Variants in SLC2A3 observed in about 807,000 individuals in gnomAD.
SLC2A3 encodes the protein solute carrier family 2, facilitated glucose transporter member 3.
In SLC2A3, 21 loss-of-function variants were observed where a neutral mutation model predicts 46.4. The ratio of observed to expected loss-of-function variants is 0.45; its 90% confidence interval spans 0.32 to 0.65. SLC2A3 has a LOEUF of 0.65. SLC2A3 is among the 30% of genes least tolerant of loss of function. SLC2A3 has a pLI of 0.04. For missense variants in SLC2A3, 499 were observed against 623.3 expected, an observed-to-expected ratio of 0.80 and a Z score of 2.12; for synonymous variants, 213 against 239.4, an observed-to-expected ratio of 0.89 and a Z score of 1.02.
chr12:7,933,336 C>T lies in SLC2A3; in HGVS notation c.109-189G>A. 4 of 763,140 alleles carry T rather than the reference C, an allele frequency of 5.2e-6. No homozygotes were observed. In the East Asian group the frequency reaches 1.1e-4, roughly 21 times the overall value. The allele number at this position is 763,140 out of a possible 1,614,324, so 47.3% of individuals were successfully genotyped here. On this transcript the variant is annotated intron_variant, in intron 2 of 9. Coordinates refer to ENST00000075120, the MANE Select transcript of SLC2A3 (RefSeq NM_006931.3). Reference sequence around the variant, plus strand: ...AGTAATTCTATTTGTCCTGAAAATCCCAGTAGGTGGCAGCACCGATGTTCA... The same window carrying T: ...AGTAATTCTATTTGTCCTGAAAATCTCAGTAGGTGGCAGCACCGATGTTCA...
chr12:7,921,675 G>T (rs753613803), intron 9 of SLC2A3, 44 bp from the exon 10 acceptor site: 3 of 1,576,458 alleles, frequency 1.9e-6, no homozygotes, highest in African/African-American at 2.7e-5. Context: ...TAAAAATCTG[G>T]TCATTGACAA....
Position 7,933,943 on chromosome 12 carries a change from C to T in SLC2A3, c.16-41G>A, listed in dbSNP as rs767020131. The T allele has an allele frequency of 1.1e-5, 17 of 1,564,194 alleles. No homozygotes were observed. In the African/African-American group the frequency reaches 2.3e-4, roughly 21 times the overall value. On this transcript the variant is annotated intron_variant, in intron 1 of 9. Coordinates refer to ENST00000075120, the MANE Select transcript of SLC2A3 (RefSeq NM_006931.3). ...ACAGAGGAGAGAATAGTCCTTAAAA[C>T]TTGTGATTGATGACTGTTTCTTATT...
chr12:7,931,152 A>G (rs1332128395), intron 4 of SLC2A3, 93 bp downstream of exon 4: 2 of 1,553,042 alleles, frequency 1.3e-6, no homozygotes, highest in Admixed American at 3.8e-5. Flanking sequence ...GTAATTGAAC[A>G]TGTGCCAGAT....
At chr12:7,923,977 A>G (rs958722822) in intron 8 of SLC2A3, among the ~76,000 whole-genome samples, 8 of 151,932 alleles carry the variant, frequency 5.3e-5, no homozygotes, top group Non-Finnish European at 1.2e-4. Flanking sequence ...CATGTTGGTC[A>G]GGCTGGTCTT....
Position 7,923,768 on chromosome 12 carries a change from A to ATTTTTTTT in SLC2A3, c.1068+634_1068+641dup, listed in dbSNP as rs59914158. Reference sequence around the variant, plus strand: ...AACCACTGCGCCCAGCCAGGATTGGATTTTTTTTTTTTTTTTTGAGAGAGA... The same window carrying ATTTTTTTT: ...AACCACTGCGCCCAGCCAGGATTGGATTTTTTTTTTTTTTTTTTTTTTTTTGAGAGAGA... On this transcript the variant is annotated intron_variant, in intron 8 of 9. Transcript: ENST00000075120. 4.8e-3 allele frequency among the ~76,000 whole-genome samples: 656 copies of ATTTTTTTT among 135,634 alleles called. 6 individuals are homozygous for ATTTTTTTT. Among genetic ancestry groups the ATTTTTTTT allele is most frequent in the African/African-American group, 0.017 (601 of 36,386 alleles). The allele number at this position is 135,634 out of a possible 152,430, so 89.0% of individuals were successfully genotyped here. A position where few individuals can be genotyped will look rare whatever the true frequency, so the allele number is the denominator to read the frequency against.
chr12:7,932,968 C>T lies in SLC2A3; in HGVS notation c.269+19G>A, dbSNP rs1231688277. On this transcript the variant is annotated intron_variant, in intron 3 of 9. Transcript: ENST00000075120. ...GTGGCTGGTAGAGCCCACTTCCTTG[C>T]CCAGTTTCTAGTCAATACCTGCCAA... is the stretch of plus-strand genomic sequence containing the variant. 2 of 1,613,334 alleles carry T rather than the reference C, an allele frequency of 1.2e-6. No individual in the cohort carries two copies. Among genetic ancestry groups the T allele is most frequent in the East Asian group, 4.5e-5 (2 of 44,878 alleles).
At chr12:7,923,767 G>GTTTTTTT (rs1946064837) in intron 8 of SLC2A3, among the ~76,000 whole-genome samples, 1 of 131,694 alleles carries the variant, frequency 7.6e-6, no homozygotes, top group African/African-American at 2.8e-5. Context: ...GCCAGGATTG[G>GTTTTTTT]ATTTTTTTTT....
chr12:7,931,331 T>C lies in SLC2A3; in HGVS notation c.424A>G (p.Ile142Val). ...GLCTGFVPMY[I>V]GEISPTALRG... ...AGGGCAGTAGGCGAGATCTCTCCAATGTACATGGGCACAAAACCTGTGCAG... is the reference window on the plus strand; with the variant it reads ...AGGGCAGTAGGCGAGATCTCTCCAACGTACATGGGCACAAAACCTGTGCAG... The change falls in exon 4 of 10, where the codon ATT becomes GTT. Residue 142 changes from isoleucine to valine, a missense_variant. By Grantham distance (29) the Ile-to-Val change is conservative. This residue lies in a region of SLC2A3 where 248 missense variants were observed against 284.0 expected (regional missense o/e 0.87). Coordinates refer to ENST00000075120, the MANE Select transcript of SLC2A3 (RefSeq NM_006931.3). 1 of 1,614,092 alleles carries C rather than the reference T, an allele frequency of 6.2e-7. No homozygotes were observed.
At chr12:7,929,065 C>T (rs1254905251) in intron 6 of SLC2A3, among the ~76,000 whole-genome samples, 2 of 152,020 alleles carry the variant, frequency 1.3e-5, no homozygotes, top group South Asian at 2.1e-4. Flanking sequence ...CAAGAACCAA[C>T]TTACTATTTT....
At chr12:7,933,219 A>G (rs1946176849) in intron 2 of SLC2A3, 72 bp from the exon 3 acceptor site, 1 of 1,503,694 alleles carries the variant, frequency 6.7e-7, no homozygotes. Context: ...AACATTAGGG[A>G]TCATTTCCTT....
At chr12:7,927,235 C>A (rs114575011) in intron 6 of SLC2A3, among the ~76,000 whole-genome samples, 8 of 152,112 alleles carry the variant, frequency 5.3e-5, no homozygotes, top group Non-Finnish European at 8.8e-5. Context: ...GGCTAATTAA[C>A]ACTGTTAAGA....
At chr12:7,932,746 C>T in intron 3 of SLC2A3, 1 of 498,104 alleles carries the variant, frequency 2.0e-6, no homozygotes, top group Non-Finnish European at 3.6e-6. Flanking sequence ...CTATCCCTAG[C>T]TGGACTGCAA....
At chr12:7,929,515 A>G (rs1946130323) in intron 6 of SLC2A3, 169 bp downstream of exon 6, 1 of 917,998 alleles carries the variant, frequency 1.1e-6, no homozygotes, top group Admixed American at 3.0e-5. Flanking sequence ...CCCAGGCTGG[A>G]ATGCAGTGGC....
chr12:7,921,530 A>G lies in SLC2A3; in HGVS notation c.1374T>C (p.Phe458=). The G allele has an allele frequency of 6.2e-7, 1 of 1,613,978 alleles. No individual in the cohort carries two copies. Among genetic ancestry groups the G allele is most frequent in the African/African-American group, 1.3e-5 (1 of 75,054 alleles). The part of the protein sequence containing the change: ...FKVPETRGRT[F]EDITRAFEGQ... ...CTTCAAAGGCCCGTGTGATATCCTCAAAAGTCCTGCCACGGGTCTCAGGGA... is the reference window on the plus strand; with the variant it reads ...CTTCAAAGGCCCGTGTGATATCCTCGAAAGTCCTGCCACGGGTCTCAGGGA... The change falls in exon 10 of 10, where the codon TTT becomes TTC. Residue 458 remains phenylalanine, a synonymous_variant. Coordinates refer to ENST00000075120, the MANE Select transcript of SLC2A3 (RefSeq NM_006931.3).
rs767238926 is a variant in SLC2A3, at chr12:7,925,731, A to T, written c.966+113T>A. On this transcript the variant is annotated intron_variant, in intron 7 of 9. Coordinates refer to ENST00000075120, the MANE Select transcript of SLC2A3 (RefSeq NM_006931.3). ...AAATTTATCTCTTTTTCCCAAAGGA[A>T]AATTAAGCAACAAAAAGGTAACTAA... The T allele has an allele frequency of 2.7e-5, 23 of 842,714 alleles. 1 individual carries two copies. Among genetic ancestry groups the T allele is most frequent in the Non-Finnish European group, 4.4e-5 (23 of 517,288 alleles). The allele number at this position is 842,714 out of a possible 1,614,324, so 52.2% of individuals were successfully genotyped here. A position where few individuals can be genotyped will look rare whatever the true frequency, so the allele number is the denominator to read the frequency against.
In SLC2A3 at chr12:7,922,629, T is replaced by A. The variant is rs912490328; in HGVS notation, c.1272+192A>T. The stretch of plus-strand genomic sequence containing the variant: ...GGCATGCACCACCATGCCCAGCTAA[T>A]TTTTGAATTTCACCATGTTGGCCAG... On this transcript the variant is annotated intron_variant, in intron 9 of 9. Coordinates refer to ENST00000075120, the MANE Select transcript of SLC2A3 (RefSeq NM_006931.3). Among the ~76,000 whole-genome samples the A allele has an allele frequency of 2.0e-5, 3 of 151,900 alleles. No homozygotes were observed. In the East Asian group the frequency reaches 5.8e-4, roughly 29 times the overall value.
Position 7,929,791 on chromosome 12 carries a change from C to G in SLC2A3, c.754G>C (p.Glu252Gln). Residue 252 changes from glutamate (E) to glutamine (Q), a missense_variant, in exon 6 of 10, where the codon GAA becomes CAA. By Grantham distance (29) the Glu-to-Gln change is conservative (BLOSUM62 2). Around this residue, in one of 5 missense-constraint regions of SLC2A3, gnomAD observed 65 missense variants for 88.4 expected, o/e 0.74. Coordinates refer to ENST00000075120, the MANE Select transcript of SLC2A3 (RefSeq NM_006931.3). ...AGCTCTAGCACGGTGACTTGCTTTTCTTGTGACATCCTTGCACTCTCATCT... is the reference window on the plus strand; with the variant it reads ...AGCTCTAGCACGGTGACTTGCTTTTGTTGTGACATCCTTGCACTCTCATCT... ...MKDESARMSQ[E>Q]KQVTVLELFR... 1.2e-6 allele frequency: 2 copies of G among 1,613,768 alleles called. No homozygotes were observed. The highest frequency in any genetic ancestry group is 1.7e-6 in the Non-Finnish European group (2 of 1,179,776).
At position 7,932,982 on chromosome 12, in the gene SLC2A3, A is replaced by C; in HGVS notation, c.269+5T>G. ...CCACTTCCTTGCCCAGTTTCTAGTCAATACCTGCCAAAGCGGTTGACGAAG... is the reference window on the plus strand; with the variant it reads ...CCACTTCCTTGCCCAGTTTCTAGTCCATACCTGCCAAAGCGGTTGACGAAG... On this transcript the variant is annotated splice_donor_5th_base_variant and intron_variant, in intron 3 of 9. Transcript: ENST00000075120. 1 of 1,613,944 alleles carries C rather than the reference A, an allele frequency of 6.2e-7. No homozygotes were observed. The highest frequency in any genetic ancestry group is 8.5e-7 in the Non-Finnish European group (1 of 1,179,966).
At chr12:7,930,825 C>T in intron 4 of SLC2A3, among the ~76,000 whole-genome samples, 183 bp from the exon 5 acceptor site, 1 of 104,484 alleles carries the variant, frequency 9.6e-6, no homozygotes, top group Non-Finnish European at 1.7e-5. Context: ...GAGACGGAGT[C>T]TTGCTCTGTC....
Sources: allele counts gnomAD v4.1 joint callset (sites outside exome capture counted in the v4.1 genomes callset), GRCh38; gene constraint gnomAD v4.1.1; regional missense constraint gnomAD v4.1.1; transcripts MANE v1.5; gene names NCBI Gene and HGNC (gene_info 2026-07-23, HGNC 2026-07-21).